GRID2: variants seen among roughly 807,000 people sequenced by gnomAD.
The protein encoded by GRID2 is glutamate ionotropic receptor delta type subunit 2, also known as glutamate receptor ionotropic, delta-2.
A neutral mutation model predicts 114.8 loss-of-function variants in GRID2; 33 were observed. That is an observed-to-expected ratio of 0.29 (90% confidence interval 0.22 to 0.38). The LOEUF is 0.38. Ranked by LOEUF, GRID2 falls within the 10% of genes least tolerant of loss-of-function variation. The pLI, the probability that GRID2 is intolerant of heterozygous loss-of-function variation, is 1.00. For missense variants in GRID2, 1,184 were observed against 1,257.7 expected (o/e 0.94, Z 0.89); for synonymous variants, 505 against 449.9 (o/e 1.12, Z -1.55).
At chr4:92,341,705 G>A (rs1727497853) in intron 1 of GRID2, among the ~76,000 whole-genome samples, 1 of 152,064 alleles carries the variant, frequency 6.6e-6, no homozygotes, top group Admixed American at 6.6e-5. Flanking sequence ...CGGATCACGA[G>A]ATTGAGACCA....
intron 13 of GRID2, among the ~76,000 whole-genome samples, chr4:93,599,787 CACAGATCAAG>C (rs1182051515): frequency 9.9e-5 from 15 of 152,142 alleles, no homozygotes; most frequent in Non-Finnish European, 1.9e-4. Flanking sequence ...CAAGTCCACA[CACAGATCAAG>C]ACAGCTAGCA....
intron 1 of GRID2, among the ~76,000 whole-genome samples, chr4:92,523,386 C>A (rs747428043): frequency 1.8e-4 from 27 of 151,960 alleles, no homozygotes; most frequent in Middle Eastern, 3.4e-3. Context: ...CAGGTCCAAG[C>A]AGAGCATATA....
intron 13 of GRID2, among the ~76,000 whole-genome samples, chr4:93,590,564 T>G (rs1738137206): frequency 6.6e-6 from 1 of 152,038 alleles, no homozygotes; most frequent in African/African-American, 2.4e-5. Flanking sequence ...ATATGAACTT[T>G]AAAGTAGTTT....
At chr4:93,450,215 G>T (rs904240135) in intron 10 of GRID2, among the ~76,000 whole-genome samples, 1 of 151,802 alleles carries the variant, frequency 6.6e-6, no homozygotes, top group Non-Finnish European at 1.5e-5. Context: ...TTGAAAGCTT[G>T]TCATAGGGCA....
At chr4:92,636,834 C>A (rs1731088048) in intron 2 of GRID2, among the ~76,000 whole-genome samples, 1 of 151,940 alleles carries the variant, frequency 6.6e-6, no homozygotes, top group Non-Finnish European at 1.5e-5. Flanking sequence ...CTTAACTTTT[C>A]ACTTCTTTTG....
rs1037157067 is a variant in GRID2 at position 93,227,885 on chromosome 4, G to A, written c.1125+3110G>A. Among the ~76,000 whole-genome samples, 13 of 152,198 alleles carry A rather than the reference G, an allele frequency of 8.5e-5. No individual in the cohort carries two copies. In the East Asian group the frequency reaches 9.7e-4, roughly 11 times the overall value. ...CTCACCAGAATGTCCTTTTCTCTCCGTATTTTTATGAGTATTCTGGTCACA... is the reference window on the plus strand; with the variant it reads ...CTCACCAGAATGTCCTTTTCTCTCCATATTTTTATGAGTATTCTGGTCACA... On this transcript the variant is annotated intron_variant, in intron 7 of 15. Coordinates refer to ENST00000282020, the MANE Select transcript of GRID2 (RefSeq NM_001510.4).
At chr4:92,735,804 C>T (rs1736564693) in intron 2 of GRID2, among the ~76,000 whole-genome samples, 1 of 151,892 alleles carries the variant, frequency 6.6e-6, no homozygotes, top group Non-Finnish European at 1.5e-5. Flanking sequence ...CCTTAGGTCA[C>T]TTGATAGTAC....
chr4:93,046,531 T>C (rs1026773924), intron 2 of GRID2, among the ~76,000 whole-genome samples: 25 of 152,078 alleles, frequency 1.6e-4, no homozygotes, highest in African/African-American at 5.5e-4. Flanking sequence ...ACAAATTTAA[T>C]TACATTTCAA....
chr4:92,875,149 GTTTTTTTTTTTT>G (rs36120160), intron 2 of GRID2, among the ~76,000 whole-genome samples: 5 of 84,992 alleles, frequency 5.9e-5, no homozygotes, highest in African/African-American at 1.8e-4. Context: ...AACTCAAAAG[GTTTTTTTTTTTT>G]TTTTTTTTTT....
At chr4:93,613,141 G>A (rs1436023661) in intron 13 of GRID2, among the ~76,000 whole-genome samples, 40 of 148,484 alleles carry the variant, frequency 2.7e-4, no homozygotes, top group African/African-American at 9.7e-4. Flanking sequence ...CGTAGTTCTC[G>A]AGCCTTGGTT....
chr4:93,674,184 C>G (rs1344378407), intron 14 of GRID2, among the ~76,000 whole-genome samples: 3 of 152,126 alleles, frequency 2.0e-5, no homozygotes, highest in Non-Finnish European at 4.4e-5. Context: ...TTATATCTAC[C>G]TTAACTCTGG....
At chr4:92,896,329 A>C (rs1218426863) in intron 2 of GRID2, among the ~76,000 whole-genome samples, 1 of 152,208 alleles carries the variant, frequency 6.6e-6, no homozygotes, top group Middle Eastern at 3.2e-3. Context: ...CACAGAAGAA[A>C]AAATTTCTGC....
intron 11 of GRID2, among the ~76,000 whole-genome samples, chr4:93,470,746 T>C (rs1334232121): frequency 6.6e-6 from 1 of 152,100 alleles, no homozygotes; most frequent in Non-Finnish European, 1.5e-5. Flanking sequence ...TATTGTGTAA[T>C]GCACAGATGG....
intron 1 of GRID2, among the ~76,000 whole-genome samples, chr4:92,321,663 C>A (rs1440231655): frequency 6.6e-6 from 1 of 152,096 alleles, no homozygotes; most frequent in African/African-American, 2.4e-5. Context: ...CTTTTTCTTG[C>A]TCCCAGGCAG....
chr4:93,045,172 T>C (rs2149273733), intron 2 of GRID2, among the ~76,000 whole-genome samples: 1 of 152,238 alleles, frequency 6.6e-6, no homozygotes, highest in South Asian at 2.1e-4. Flanking sequence ...TTCTGTTTCA[T>C]GTATATAGAT....
intron 1 of GRID2, among the ~76,000 whole-genome samples, chr4:92,500,176 A>T (rs544151829): frequency 2.6e-5 from 4 of 151,386 alleles, no homozygotes; most frequent in African/African-American, 4.8e-5. Context: ...CTTTTTTTTT[A>T]AATCTTTTAT....
chr4:92,813,377 T>G, intron 2 of GRID2, among the ~76,000 whole-genome samples: 1 of 152,126 alleles, frequency 6.6e-6, no homozygotes, highest in Admixed American at 6.6e-5. Context: ...GAGAGCAAGC[T>G]ATACAGGCGC....
intron 1 of GRID2, among the ~76,000 whole-genome samples, chr4:92,509,362 A>G (rs1036428789): frequency 6.6e-6 from 1 of 151,950 alleles, no homozygotes; most frequent in African/African-American, 2.4e-5. Context: ...AAAAGTGATC[A>G]TCTCTGGATC....
intron 4 of GRID2, among the ~76,000 whole-genome samples, chr4:93,115,054 A>G (rs565055274): frequency 2.6e-5 from 4 of 151,516 alleles, no homozygotes; most frequent in Admixed American, 2.6e-4. Flanking sequence ...TCAGGTAAAC[A>G]GTGGTGGGCA....
Sources: allele counts gnomAD v4.1 joint callset (sites outside exome capture counted in the v4.1 genomes callset), GRCh38; gene constraint gnomAD v4.1.1; transcripts MANE v1.5; gene names NCBI Gene and HGNC (gene_info 2026-07-23, HGNC 2026-07-21).